FAM221B: variants seen among roughly 807,000 people sequenced by gnomAD.
The protein encoded by FAM221B is protein FAM221B.
In FAM221B, 35 loss-of-function variants were observed where a neutral mutation model predicts 39.8. The ratio of observed to expected loss-of-function variants is 0.88; its 90% CI spans 0.67 to 1.17. The LOEUF (loss-of-function observed/expected upper bound fraction) is 1.17, where lower values mean the gene tolerates loss of function less well. FAM221B is among the 50% of genes most tolerant of loss of function. The pLI is 0.00. For synonymous variants in FAM221B, 158 were observed against 178.1 expected (o/e 0.89, Z 0.90); for missense variants, 479 against 503.1 (o/e 0.95, Z 0.46).
chr9:35,825,924 T>C lies in FAM221B; in HGVS notation c.238A>G (p.Ile80Val). Residue 80 changes from isoleucine to valine, a missense_variant, in exon 2 of 7, where the codon ATC (isoleucine) becomes GTC (valine). Transcript: ENST00000423537. The surrounding 1 kb of genome is among the most constrained non-coding windows in gnomAD (Gnocchi z 4.2). ...GGGGTCTCTGAAGGAGTCTCAGAGA[T>C]GGAAGGCTCCTGATGGGTTTCAGGG... ...HSPETHQEPS[I>V]SETPSETPTY... 6.2e-7 allele frequency: 1 copy of C among 1,613,794 alleles called. No homozygotes were observed. The highest frequency in any genetic ancestry group is 8.5e-7 in the Non-Finnish European group (1 of 1,179,938).
At position 35,828,432 on chromosome 9, in the gene FAM221B, G is replaced by A; in HGVS notation, c.-1+31C>T. 2 of 954,402 alleles carry A rather than the reference G, an allele frequency of 2.1e-6. No individual in the cohort carries two copies. Among genetic ancestry groups the A allele is most frequent in the Non-Finnish European group, 2.5e-6 (2 of 801,776 alleles). 59.1% of individuals were successfully genotyped at this position (954,402 alleles called of 1,614,324 possible). A position where few individuals can be genotyped will look rare whatever the true frequency, so the allele number is the denominator to read the frequency against. On this transcript the variant is annotated intron_variant, in intron 1 of 6. Coordinates refer to ENST00000423537, the MANE Select transcript of FAM221B (RefSeq NM_001012446.4). This position sits in a 1 kb window ranked among gnomAD's most constrained non-coding sequence, Gnocchi z 4.5. ...AGAAAGACAGATGTCTTTGAGGGAA[G>A]AGGGCAAGGGCCGTTGGAGAAACCA...
At chr9:35,819,784 G>A in intron 4 of FAM221B, 106 bp downstream of exon 4, 3 of 751,296 alleles carry the variant, frequency 4.0e-6, no homozygotes, top group African/African-American at 3.4e-5. Context: ...GGATTACAGG[G>A]GTGAGCCACC....
At position 35,819,362 on chromosome 9, in the gene FAM221B, G is replaced by A. The variant is rs367837774; in HGVS notation, c.886C>T (p.Arg296Cys). The change falls in exon 5 of 7, where the codon CGC becomes TGC. Residue 296 changes from arginine (R) to cysteine (C), a missense_variant. Arg to Cys is a radical substitution (Grantham distance 180). Transcript: ENST00000423537. ...GGGATAAAGCAGAACATGAAGCAGC[G>A]GCACTGGCTTACCTTGCAGGGCACC... ...ISVPCKVSQC[R>C]CFMFCFIPSR... 1.1e-5 allele frequency: 17 copies of A among 1,551,714 alleles called. No homozygotes were observed. The highest frequency in any genetic ancestry group is 7.3e-5 in the East Asian group (3 of 40,930).
rs1024414469 is a variant in FAM221B at position 35,820,093 on chromosome 9, G to C, written c.743-93C>G. On this transcript the variant is annotated intron_variant, in intron 3 of 6. Coordinates refer to ENST00000423537, the MANE Select transcript of FAM221B (RefSeq NM_001012446.4). The stretch of plus-strand genomic sequence containing the variant: ...CCCTTGATGGAGGTGAGGGGGTGGG[G>C]GGAACTTACCTCTCCCCACCCCCAG... 3 of 822,460 alleles carry C rather than the reference G, an allele frequency of 3.6e-6. No homozygotes were observed. In the African/African-American group the frequency reaches 5.1e-5, roughly 14 times the overall value. 50.9% of individuals were successfully genotyped at this position (822,460 alleles called of 1,614,324 possible).
intron 3 of FAM221B, among the ~76,000 whole-genome samples, chr9:35,822,313 C>T (rs1829168182): frequency 6.6e-6 from 1 of 152,224 alleles, no homozygotes; most frequent in Admixed American, 6.5e-5. Context: ...ACTGGTGGCA[C>T]TCCAGGCATT....
In FAM221B at chr9:35,818,956, G is replaced by A. The variant is rs757620245; in HGVS notation, c.1105C>T (p.Arg369Cys). ...SNFLCAACDR[R>C]WEEHETFFDT... ...AAGAAAGTCTCGTGTTCCTCCCAGC[G>A]CCGGTCACAGGCCGCACAGAGGAAA... Residue 369 changes from arginine to cysteine, a missense_variant, in exon 6 of 7, where the codon CGC (arginine) becomes TGC (cysteine). Physicochemically the swap from Arg to Cys is radical, Grantham distance 180 (BLOSUM62 -3). Coordinates refer to ENST00000423537, the MANE Select transcript of FAM221B (RefSeq NM_001012446.4). 4.6e-5 allele frequency: 72 copies of A among 1,551,734 alleles called. No individual in the cohort carries two copies. Among genetic ancestry groups the A allele is most frequent in the South Asian group, 3.4e-4 (29 of 84,064 alleles).
Position 35,825,850 on chromosome 9 carries a change from T to C in FAM221B, c.312A>G (p.Lys104=). ...GTGATTGGGGAGGAAGAGTAAGGTG[T>C]TTCTCTGGCACCACTGAGATGGGAC... ...LDSPISVVPE[K]HLTLPPQSRD... is the part of the protein sequence containing the mutation. The change falls in exon 2 of 7, where the codon AAA becomes AAG. Residue 104 remains lysine, a synonymous_variant. Transcript: ENST00000423537. This position sits in a 1 kb window ranked among gnomAD's most constrained non-coding sequence, Gnocchi z 4.2. 2 of 1,613,968 alleles carry C rather than the reference T, an allele frequency of 1.2e-6. No homozygotes were observed. The highest frequency in any genetic ancestry group is 1.7e-6 in the Non-Finnish European group (2 of 1,179,994).
Position 35,825,339 on chromosome 9 carries a change from C to CAG in FAM221B, c.632_633insCT (p.Gln211HisfsTer2). The CAG allele has an allele frequency of 6.2e-7, 1 of 1,614,260 alleles. No homozygotes were observed. The highest frequency in any genetic ancestry group is 8.5e-7 in the Non-Finnish European group (1 of 1,180,050). Reference sequence around the variant, plus strand: ...CCTTAGCCACTTCCACCAGCTCTGTCTGCCTAGCAGGGAACACTGGGCGGG... The same window carrying CAG: ...CCTTAGCCACTTCCACCAGCTCTGTCAGTGCCTAGCAGGGAACACTGGGCGGG... On this transcript the variant is annotated frameshift_variant, in exon 3 of 7. Transcript: ENST00000423537. LOFTEE classifies it high-confidence loss of function. The surrounding 1 kb of genome is among the most constrained non-coding windows in gnomAD (Gnocchi z 4.2).
chr9:35,826,289 A>G, intron 1 of FAM221B, 128 bp from the exon 2 acceptor site: 1 of 728,858 alleles, frequency 1.4e-6, no homozygotes, highest in Non-Finnish European at 2.3e-6. Flanking sequence ...GAGATATAAG[A>G]GGGAAACAAC....
intron 1 of FAM221B, among the ~76,000 whole-genome samples, chr9:35,827,312 A>G (rs2132156668): frequency 6.6e-6 from 1 of 152,246 alleles, no homozygotes; most frequent in Middle Eastern, 3.4e-3. Flanking sequence ...CCTTTGTGTA[A>G]TAACTTTGCC....
intron 6 of FAM221B, 134 bp downstream of exon 6, chr9:35,818,756 A>T: frequency 8.3e-7 from 1 of 1,200,422 alleles, no homozygotes; most frequent in Non-Finnish European, 1.2e-6. Context: ...GGATGCAGGT[A>T]GGTGGGTGGT....
In FAM221B at chr9:35,825,930, G is replaced by A; in HGVS notation, c.232C>T (p.Pro78Ser). The A allele has an allele frequency of 6.2e-7, 1 of 1,614,022 alleles. No individual in the cohort carries two copies. The highest frequency in any genetic ancestry group is 8.5e-7 in the Non-Finnish European group (1 of 1,179,940). Residue 78 changes from proline to serine, a missense_variant, in exon 2 of 7, where the codon CCT becomes TCT. Transcript: ENST00000423537. The surrounding 1 kb of genome is among the most constrained non-coding windows in gnomAD (Gnocchi z 4.2). ...TCTGAAGGAGTCTCAGAGATGGAAG[G>A]CTCCTGATGGGTTTCAGGGGAATGG... ...EAHSPETHQEPSISETPSETP... is the reference protein window; with the variant it reads ...EAHSPETHQESSISETPSETP...
At position 35,825,497 on chromosome 9, in the gene FAM221B, G is replaced by T. The variant is rs2132151801; in HGVS notation, c.598+67C>A. The T allele has an allele frequency of 5.7e-6, 9 of 1,573,922 alleles. No individual in the cohort carries two copies. In the South Asian group the frequency reaches 9.3e-5, roughly 16 times the overall value. On this transcript the variant is annotated intron_variant, in intron 2 of 6. Coordinates refer to ENST00000423537, the MANE Select transcript of FAM221B (RefSeq NM_001012446.4). This position sits in a 1 kb window ranked among gnomAD's most constrained non-coding sequence, Gnocchi z 4.2. ...GGCAAGTCAAGGACAGTGAATAGTA[G>T]TGAGAACAGGACAGGGGAGAGGACA...
At chr9:35,821,726 A>G in intron 3 of FAM221B, 1 of 686,624 alleles carries the variant, frequency 1.5e-6, no homozygotes, top group South Asian at 1.6e-5. Flanking sequence ...GCACTAGTGT[A>G]GGAATCAGTG....
chr9:35,828,634 G>T lies in FAM221B; in HGVS notation c.-172C>A. ...CTGAAAGTCTGCTATCTGGGAAGGG[G>T]ACTTGGATATCTGCAGAACTTCGCA... On this transcript the variant is annotated 5_prime_UTR_variant, in exon 1 of 7. Coordinates refer to ENST00000423537, the MANE Select transcript of FAM221B (RefSeq NM_001012446.4). This position sits in a 1 kb window ranked among gnomAD's most constrained non-coding sequence, Gnocchi z 4.5. The T allele has an allele frequency of 1.0e-6, 1 of 985,590 alleles. No homozygotes were observed. The highest frequency in any genetic ancestry group is 1.2e-6 in the Non-Finnish European group (1 of 830,036). 61.1% of individuals were successfully genotyped at this position (985,590 alleles called of 1,614,324 possible). A position where few individuals can be genotyped will look rare whatever the true frequency, so the allele number is the denominator to read the frequency against.
Position 35,825,654 on chromosome 9 carries a change from CG to C in FAM221B, c.507del (p.Glu170LysfsTer14). On this transcript the variant is annotated frameshift_variant, in exon 2 of 7. Transcript: ENST00000423537. LOFTEE classifies it high-confidence loss of function. The surrounding 1 kb of genome is among the most constrained non-coding windows in gnomAD (Gnocchi z 4.2). ...GPSSQVQVDTTEKQEEEAGEV... is the reference protein window; with the variant it reads ...GPSSQVQVDTXEKQEEEAGEV... ...TCTCCTGCTTCTTCCTCCTGCTTTT[CG>C]GTTGTGTCCACTTGGACCTGGGATG... 6.2e-7 allele frequency: 1 copy of C among 1,614,166 alleles called. No homozygotes were observed. The highest frequency in any genetic ancestry group is 8.5e-7 in the Non-Finnish European group (1 of 1,180,046).
In FAM221B at chr9:35,828,578, G is replaced by A; in HGVS notation, c.-116C>T. 1 of 985,486 alleles carries A rather than the reference G, an allele frequency of 1.0e-6. No homozygotes were observed. Among genetic ancestry groups the A allele is most frequent in the Non-Finnish European group, 1.2e-6 (1 of 829,964 alleles). 61.0% of individuals were successfully genotyped at this position (985,486 alleles called of 1,614,324 possible). On this transcript the variant is annotated 5_prime_UTR_variant, in exon 1 of 7. Coordinates refer to ENST00000423537, the MANE Select transcript of FAM221B (RefSeq NM_001012446.4). The surrounding 1 kb of genome is among the most constrained non-coding windows in gnomAD (Gnocchi z 4.5). ...GGCTCTTGGTTGTGGATGTGCCTCA[G>A]CTGCAGGTGCTGAGTGTTGAAATGC...
intron 3 of FAM221B, 27 bp from the exon 4 acceptor site, chr9:35,820,027 A>T (rs1247280581): frequency 6.4e-7 from 1 of 1,567,920 alleles, no homozygotes; most frequent in African/African-American, 1.4e-5. Context: ...AAAAGTGAGA[A>T]GTAAAAAAAT....
intron 1 of FAM221B, among the ~76,000 whole-genome samples, chr9:35,827,539 G>A (rs1829421699): frequency 6.6e-6 from 1 of 152,166 alleles, no homozygotes; most frequent in Non-Finnish European, 1.5e-5. Context: ...CGGTGGGGAG[G>A]GGGATATACC....
Sources: allele counts gnomAD v4.1 joint callset (sites outside exome capture counted in the v4.1 genomes callset), GRCh38; gene constraint gnomAD v4.1.1; non-coding constraint Gnocchi (gnomAD v3.1); transcripts MANE v1.5; gene names NCBI Gene and HGNC (gene_info 2026-07-23, HGNC 2026-07-21).